Variants in USP39 observed in about 807,000 individuals in gnomAD.
The protein encoded by USP39 is ubiquitin specific peptidase 39.
Under a neutral mutation model 66.4 loss-of-function variants are expected in USP39, and 38 were observed. That is an observed-to-expected ratio of 0.57 (90% confidence interval 0.44 to 0.75). USP39 has a LOEUF of 0.75. USP39 is among the 30% of genes least tolerant of loss of function. USP39 has a pLI of 0.00. For synonymous variants in USP39, 303 were observed against 274.6 expected (o/e 1.10, Z -1.02); for missense variants, 608 against 714.4 (o/e 0.85, Z 1.70).
At chr2:85,623,576 G>A (rs999786054) in intron 3 of USP39, 70 bp from the exon 4 acceptor site, 3 of 1,476,548 alleles carry the variant, frequency 2.0e-6, no homozygotes, top group East Asian at 2.6e-5. Flanking sequence ...AATAATGAAA[G>A]GAAAAGCAAA....
chr2:85,615,225 T>C (rs1673839258), upstream of USP39, among the ~76,000 whole-genome samples: 1 of 152,212 alleles, frequency 6.6e-6, no homozygotes, highest in African/African-American at 2.4e-5. Context: ...TTCACCATAT[T>C]GGCCAGGCTG....
Position 85,630,842 on chromosome 2 carries a change from G to A in USP39, c.845G>A (p.Arg282Lys). The A allele has an allele frequency of 6.2e-7, 1 of 1,614,212 alleles. No homozygotes were observed. The highest frequency in any genetic ancestry group is 8.5e-7 in the Non-Finnish European group (1 of 1,180,038). ...GTCCAGCGTTTTGGAGAGCTGATGA[G>A]AAAGCTCTGGAACCCTCGAAATTTC... ...LLVQRFGELM[R>K]KLWNPRNFKA... Residue 282 changes from arginine (R) to lysine (K), a missense_variant, in exon 6 of 13, where the codon AGA becomes AAA. Around this residue, in one of 6 missense-constraint regions of USP39, gnomAD observed 17 missense variants for 38.0 expected, o/e 0.45. Transcript: ENST00000323701.
chr2:85,616,958 G>T (rs533355258), intron 1 of USP39, among the ~76,000 whole-genome samples: 71 of 152,116 alleles, frequency 4.7e-4, no homozygotes, highest in Non-Finnish European at 8.8e-4. Flanking sequence ...CCAAAGTGCT[G>T]GGATTACAGG....
At chr2:85,632,606 C>T (rs1013427872) in intron 6 of USP39, among the ~76,000 whole-genome samples, 1 of 151,962 alleles carries the variant, frequency 6.6e-6, no homozygotes, top group African/African-American at 2.4e-5. Flanking sequence ...TGCCACCATG[C>T]CCAGCTAATT....
chr2:85,634,207 C>A (rs1675587620), intron 6 of USP39, among the ~76,000 whole-genome samples: 1 of 151,784 alleles, frequency 6.6e-6, no homozygotes, highest in Non-Finnish European at 1.5e-5. Context: ...AGGAATGGGG[C>A]CCATGGAGCA....
chr2:85,616,448 G>GA lies in USP39; in HGVS notation c.254dup (p.Arg86AlafsTer13), dbSNP rs1673957158. 2 of 1,558,358 alleles carry GA rather than the reference G, an allele frequency of 1.3e-6. No homozygotes were observed. Among genetic ancestry groups the GA allele is most frequent in the East Asian group, 4.8e-5 (2 of 42,082 alleles). On this transcript the variant is annotated frameshift_variant, in exon 1 of 13. Coordinates refer to ENST00000323701, the MANE Select transcript of USP39 (RefSeq NM_006590.4). LOFTEE classifies it high-confidence loss of function. ...CGAGGTCGATGAGGACTCGGAGCCT[G>GA]AGCGGGAGGTGCGAGGTGCGCGGGG...
At chr2:85,618,796 T>C (rs976759226) in intron 1 of USP39, among the ~76,000 whole-genome samples, 2 of 150,444 alleles carry the variant, frequency 1.3e-5, no homozygotes, top group Non-Finnish European at 3.0e-5. Flanking sequence ...TGAGAGGGAG[T>C]TTTGCTCTTG....
chr2:85,632,185 G>A (rs1187489674), intron 6 of USP39, among the ~76,000 whole-genome samples: 1 of 152,118 alleles, frequency 6.6e-6, no homozygotes, highest in Non-Finnish European at 1.5e-5. Context: ...ATTCACTCAT[G>A]GTGCTAGGTT....
upstream of USP39, chr2:85,612,115 C>T: frequency 1.1e-6 from 1 of 940,992 alleles, no homozygotes; most frequent in South Asian, 1.8e-5. Context: ...GAGGCCCCGG[C>T]CTGGCCAAGC....
chr2:85,627,482 T>A (rs1053111594), intron 5 of USP39, among the ~76,000 whole-genome samples: 1 of 151,980 alleles, frequency 6.6e-6, no homozygotes, highest in Non-Finnish European at 1.5e-5. Flanking sequence ...ACAGGCTTAT[T>A]GGGGAAAACA....
chr2:85,646,905 T>A (rs1340943191), intron 11 of USP39, among the ~76,000 whole-genome samples: 1 of 144,618 alleles, frequency 6.9e-6, no homozygotes, highest in Admixed American at 6.9e-5. Flanking sequence ...TTTTTTTTTT[T>A]AAGACAGAGT....
intron 10 of USP39, among the ~76,000 whole-genome samples, chr2:85,642,244 CT>C (rs1440476930): frequency 1.3e-5 from 2 of 152,180 alleles, no homozygotes; most frequent in African/African-American, 4.8e-5. Context: ...TTTTTCTACA[CT>C]TTTCTCCACT....
At position 85,639,995 on chromosome 2, in the gene USP39, C is replaced by T. The variant is rs1024762099; in HGVS notation, c.1284+604C>T. Among the ~76,000 whole-genome samples, 3 of 152,128 alleles carry T rather than the reference C, an allele frequency of 2.0e-5. No individual in the cohort carries two copies. The South Asian group carries it at 6.2e-4, about 31-fold the overall frequency. ...TCCTGGGCTCAAGTGATCCTCTCAC[C>T]TCAGCATCCTAAGTAGCTGGGACTA... On this transcript the variant is annotated intron_variant, in intron 9 of 12. Transcript: ENST00000323701.
chr2:85,640,699 C>G (rs1676168317), intron 9 of USP39, among the ~76,000 whole-genome samples: 1 of 149,324 alleles, frequency 6.7e-6, no homozygotes, highest in Non-Finnish European at 1.5e-5. Flanking sequence ...TCTCGAACTC[C>G]TGTGCTGAAA....
At chr2:85,609,254 C>G (rs553188002), upstream of USP39, among the ~76,000 whole-genome samples, 1 of 152,362 alleles carries the variant, frequency 6.6e-6, no homozygotes, top group South Asian at 2.1e-4. Context: ...TGTTCCCCTA[C>G]TGAGAATCAC....
Position 85,648,862 on chromosome 2 carries a change from G to T in USP39, c.*54G>T. ...GGCTGTGGCTGATGATGGTAAATAA[G>T]AACACAGAAGCTGTAGCTGAACACA... On this transcript the variant is annotated 3_prime_UTR_variant, in exon 13 of 13. Coordinates refer to ENST00000323701, the MANE Select transcript of USP39 (RefSeq NM_006590.4). 6.3e-7 allele frequency: 1 copy of T among 1,596,722 alleles called. No individual in the cohort carries two copies. Among genetic ancestry groups the T allele is most frequent in the Admixed American group, 1.7e-5 (1 of 59,248 alleles).
intron 5 of USP39, 30 bp from the exon 6 acceptor site, chr2:85,630,691 T>C (rs767945983): frequency 6.2e-7 from 1 of 1,607,250 alleles, no homozygotes; most frequent in Non-Finnish European, 8.5e-7. Context: ...ACAAAGGGGC[T>C]TTGGGTTAAT....
upstream of USP39, chr2:85,608,834 T>A: frequency 6.8e-7 from 1 of 1,463,976 alleles, no homozygotes; most frequent in South Asian, 1.3e-5. Context: ...GCAGCAGCTC[T>A]GGGGGTCTCA....
At chr2:85,618,346 A>T in intron 1 of USP39, among the ~76,000 whole-genome samples, 1 of 151,788 alleles carries the variant, frequency 6.6e-6, no homozygotes, top group South Asian at 2.1e-4. Flanking sequence ...GGTGGATCGC[A>T]AGGTCAGGAG....
Sources: allele counts gnomAD v4.1 joint callset (sites outside exome capture counted in the v4.1 genomes callset), GRCh38; gene constraint gnomAD v4.1.1; regional missense constraint gnomAD v4.1.1; transcripts MANE v1.5; gene names NCBI Gene and HGNC (gene_info 2026-07-23, HGNC 2026-07-21).